Variants in MTCL1 observed in about 807,000 individuals in gnomAD.
MTCL1 encodes the protein microtubule cross-linking factor 1.
MTCL1 carries 79 observed loss-of-function variants against 141.4 expected under a neutral mutation model. The ratio of observed to expected loss-of-function variants is 0.56; its 90% CI spans 0.47 to 0.67. The LOEUF (loss-of-function observed/expected upper bound fraction) is 0.67, where lower values mean the gene tolerates loss of function less well. Ranked by LOEUF, MTCL1 falls within the 30% of genes least tolerant of loss-of-function variation. The probability of loss-of-function intolerance (pLI) is 0.00; values close to 1 mark genes in which losing one functional copy is unlikely to be tolerated. For synonymous variants in MTCL1, 914 were observed against 875.8 expected, an observed-to-expected ratio of 1.04 and a Z score of -0.77; for missense variants, 2,177 against 2,113.9, an observed-to-expected ratio of 1.03 and a Z score of -0.59.
At chr18:8,801,263 G>T (rs899525438) in intron 10 of MTCL1, among the ~76,000 whole-genome samples, 1 of 151,606 alleles carries the variant, frequency 6.6e-6, no homozygotes, top group East Asian at 1.9e-4. Context: ...CTTCCAGAAA[G>T]AGCACCCTTG....
At position 8,783,510 on chromosome 18, in the gene MTCL1, G is replaced by T; in HGVS notation, c.418-20G>T. 1 of 1,572,606 alleles carries T rather than the reference G, an allele frequency of 6.4e-7. No individual in the cohort carries two copies. Among genetic ancestry groups the T allele is most frequent in the Non-Finnish European group, 8.7e-7 (1 of 1,153,878 alleles). On this transcript the variant is annotated intron_variant, in intron 5 of 16. Transcript: ENST00000359865. Reference sequence around the variant, plus strand: ...GGTATTTTCAAATAACCCTTCTCCCGGGCTGTTCTCTCCTGGCAGGATGAC... The same window carrying T: ...GGTATTTTCAAATAACCCTTCTCCCTGGCTGTTCTCTCCTGGCAGGATGAC...
intron 10 of MTCL1, 151 bp from the exon 10 acceptor site, chr18:8,806,742 C>A: frequency 1.4e-6 from 1 of 719,670 alleles, no homozygotes; most frequent in Non-Finnish European, 2.2e-6. Flanking sequence ...TGCTCCCCGG[C>A]TAACTGCAGA....
At chr18:8,708,893 G>A (rs2148748415) in intron 1 of MTCL1, among the ~76,000 whole-genome samples, 1 of 152,326 alleles carries the variant, frequency 6.6e-6, no homozygotes, top group South Asian at 2.1e-4. Context: ...GACAGCAGGG[G>A]AGAGAAGAGG....
chr18:8,712,244 C>T (rs1372675609), intron 1 of MTCL1, among the ~76,000 whole-genome samples: 1 of 152,194 alleles, frequency 6.6e-6, no homozygotes, highest in East Asian at 1.9e-4. Context: ...GATACAAGGG[C>T]AGAGAAAATT....
chr18:8,825,722 C>T, exon 15 of MTCL1: 1 of 1,614,154 alleles, frequency 6.2e-7, no homozygotes, highest in Non-Finnish European at 8.5e-7. Flanking sequence ...CCAAAGCCGA[C>T]CAGCCAAATA....
intron 4 of MTCL1, among the ~76,000 whole-genome samples, chr18:8,775,114 G>A (rs2096500920): frequency 6.6e-6 from 1 of 152,136 alleles, no homozygotes; most frequent in South Asian, 2.1e-4. Flanking sequence ...TTTTCTTTCA[G>A]TGCGTACATT....
chr18:8,757,405 A>G (rs915255376), intron 4 of MTCL1, among the ~76,000 whole-genome samples: 1 of 152,186 alleles, frequency 6.6e-6, no homozygotes, highest in Non-Finnish European at 1.5e-5. Context: ...CCGGCAACCA[A>G]GGAGACCCCC....
Position 8,807,007 on chromosome 18 carries a change from G to A in MTCL1, c.2551G>A (p.Asp851Asn), listed in dbSNP as rs760130254. The A allele has an allele frequency of 2.5e-5, 40 of 1,613,734 alleles. No homozygotes were observed. The highest frequency in any genetic ancestry group is 1.6e-4 in the Middle Eastern group (1 of 6,078). The change falls in exon 11 of 17, where the codon GAC becomes AAC. Residue 851 changes from aspartate (D) to asparagine (N), a missense_variant. Asp to Asn is a conservative substitution (Grantham distance 23). Transcript: ENST00000359865. The stretch of plus-strand genomic sequence containing the variant: ...ACGGCTGCAGCAGCAATATGCCAGC[G>A]ACAAGGCGGCCTGGGACGTGGAGTG...
chr18:8,718,257 G>A (rs2096143206), intron 2 of MTCL1, among the ~76,000 whole-genome samples, 167 bp from the exon 2 acceptor site: 1 of 152,158 alleles, frequency 6.6e-6, no homozygotes, highest in African/African-American at 2.4e-5. Flanking sequence ...TATCTCATAT[G>A]CAAATTTCCA....
intron 4 of MTCL1, among the ~76,000 whole-genome samples, chr18:8,734,346 A>G (rs891758723): frequency 1.3e-5 from 2 of 152,064 alleles, no homozygotes; most frequent in South Asian, 2.1e-4. Context: ...TTGTTTGACA[A>G]GATTGTGGGT....
At chr18:8,820,212 A>G (rs967139038) in intron 13 of MTCL1, among the ~76,000 whole-genome samples, 1 of 152,158 alleles carries the variant, frequency 6.6e-6, no homozygotes, top group South Asian at 2.1e-4. Context: ...GATCGAGACC[A>G]TCCTGGCTAA....
intron 4 of MTCL1, among the ~76,000 whole-genome samples, chr18:8,770,316 TAGTC>T (rs1389664726): frequency 2.0e-5 from 3 of 152,246 alleles, no homozygotes; most frequent in Non-Finnish European, 4.4e-5. Context: ...GATATTGTCT[TAGTC>T]AGCTTGGGCT....
chr18:8,786,633 T>C (rs1296101630), intron 7 of MTCL1: 1 of 312,398 alleles, frequency 3.2e-6, no homozygotes, highest in Non-Finnish European at 6.4e-6. Flanking sequence ...TACACAAGGC[T>C]TCAGCCACCA....
At chr18:8,798,244 C>A in exon 10 of MTCL1, 1 of 1,584,500 alleles carries the variant, frequency 6.3e-7, no homozygotes, top group Non-Finnish European at 8.6e-7. Flanking sequence ...GATTGGAGAT[C>A]ACAGCTTGCG....
intron 4 of MTCL1, among the ~76,000 whole-genome samples, chr18:8,726,191 CT>C (rs2096209617): frequency 6.6e-6 from 1 of 151,236 alleles, no homozygotes; most frequent in Non-Finnish European, 1.5e-5. Context: ...TAATGTATTG[CT>C]TTTTGCTGTA....
Position 8,720,333 on chromosome 18 carries a change from T to C in MTCL1, c.199-5T>C, listed in dbSNP as rs745494438. 4 of 1,614,098 alleles carry C rather than the reference T, an allele frequency of 2.5e-6. No individual in the cohort carries two copies. The highest frequency in any genetic ancestry group is 1.3e-5 in the African/African-American group (1 of 75,058). On this transcript the variant is annotated splice_region_variant and splice_polypyrimidine_tract_variant and intron_variant, in intron 3 of 16. Coordinates refer to ENST00000359865, the Ensembl canonical transcript of MTCL1. ...CCTGATAATGATCTCTGTGGGTCGA[T>C]GCAGGTAGCCAAAGATGTATCTGTC...
chr18:8,723,890 G>A (rs1429380805), intron 4 of MTCL1, among the ~76,000 whole-genome samples: 1 of 152,134 alleles, frequency 6.6e-6, no homozygotes, highest in Non-Finnish European at 1.5e-5. Flanking sequence ...CTAAGTAACA[G>A]AAGCCAGACA....
chr18:8,812,861 A>G, intron 11 of MTCL1, 118 bp from the exon 11 acceptor site: 1 of 1,303,550 alleles, frequency 7.7e-7, no homozygotes, highest in South Asian at 1.5e-5. Flanking sequence ...ATACTGTGGG[A>G]TTGGTCAAAT....
intron 4 of MTCL1, among the ~76,000 whole-genome samples, chr18:8,751,425 A>G (rs777808464): frequency 6.6e-6 from 1 of 152,224 alleles, no homozygotes; most frequent in Non-Finnish European, 1.5e-5. Context: ...TGTTGCCGCT[A>G]CTGTTACTGC....
Sources: gnomAD v4.1 joint callset for allele counts (sites outside exome capture counted in the v4.1 genomes callset) on GRCh38, gnomAD v4.1.1 for gene constraint, MANE v1.5 for transcripts, NCBI Gene and HGNC (gene_info 2026-07-23, HGNC 2026-07-21) for gene names.